NALCN: variants seen among roughly 807,000 people sequenced by gnomAD.
NALCN encodes sodium leak channel, non-selective.
Under a neutral mutation model 225.3 loss-of-function variants are expected in NALCN, and 111 were observed. The ratio of observed to expected loss-of-function variants is 0.49; its 90% confidence interval spans 0.42 to 0.58. The LOEUF (loss-of-function observed/expected upper bound fraction) is 0.58, where lower values mean the gene tolerates loss of function less well. Ranked by LOEUF, NALCN falls within the 20% of genes least tolerant of loss-of-function variation. NALCN has a pLI of 0.00. For synonymous variants in NALCN, 764 were observed against 769.0 expected, an observed-to-expected ratio of 0.99 and a Z score of 0.11; for missense variants, 1,378 against 2,202.4, an observed-to-expected ratio of 0.63 and a Z score of 7.49.
intron 10 of NALCN, among the ~76,000 whole-genome samples, chr13:101,281,569 G>A (rs186202262): frequency 1.3e-4 from 20 of 152,306 alleles, no homozygotes; most frequent in African/African-American, 4.8e-4. Context: ...TCAAATATAG[G>A]ATGGAAGGAG....
Position 101,104,455 on chromosome 13 carries a change from C to A in NALCN, c.2758-29G>T. ...AAACGGGCAAAAGGCAGTTTGGTTACAATGAACGGAAAAACAGCAGGTCAG... is the reference window on the plus strand; with the variant it reads ...AAACGGGCAAAAGGCAGTTTGGTTAAAATGAACGGAAAAACAGCAGGTCAG... On this transcript the variant is annotated intron_variant, in intron 24 of 43. Transcript: ENST00000251127. The surrounding 1 kb of genome is among the most constrained non-coding windows in gnomAD (Gnocchi z 4.2). The A allele has an allele frequency of 6.2e-7, 1 of 1,612,364 alleles. No individual in the cohort carries two copies. Among genetic ancestry groups the A allele is most frequent in the African/African-American group, 1.3e-5 (1 of 74,970 alleles).
At chr13:101,247,838 G>A (rs2041946301) in intron 11 of NALCN, among the ~76,000 whole-genome samples, 1 of 151,942 alleles carries the variant, frequency 6.6e-6, no homozygotes. Flanking sequence ...AGTGTGTGTT[G>A]TTGTTCTCCC....
intron 27 of NALCN, among the ~76,000 whole-genome samples, chr13:101,096,504 G>A (rs547093946): frequency 6.6e-6 from 1 of 152,162 alleles, no homozygotes; most frequent in Non-Finnish European, 1.5e-5. Flanking sequence ...TCATATAGAA[G>A]TCCAGAACAG....
intron 9 of NALCN, among the ~76,000 whole-genome samples, chr13:101,286,279 T>C (rs1462785787): frequency 1.3e-5 from 2 of 152,218 alleles, no homozygotes; most frequent in Non-Finnish European, 2.9e-5. Flanking sequence ...AGAATCTGTA[T>C]GGGGCCACTA....
intron 13 of NALCN, among the ~76,000 whole-genome samples, chr13:101,201,828 G>T (rs546888075): frequency 3.9e-5 from 6 of 152,076 alleles, no homozygotes; most frequent in African/African-American, 1.4e-4. Context: ...CTGGTTTCAA[G>T]AACTCTTTCT....
At chr13:101,316,785 A>G (rs1398409256) in intron 7 of NALCN, among the ~76,000 whole-genome samples, 2 of 152,164 alleles carry the variant, frequency 1.3e-5, no homozygotes, top group African/African-American at 4.8e-5. Flanking sequence ...CCAGGTGACC[A>G]TCCACTCTAA....
At chr13:101,338,059 T>A (rs1391506001) in intron 7 of NALCN, among the ~76,000 whole-genome samples, 1 of 152,206 alleles carries the variant, frequency 6.6e-6, no homozygotes, top group African/African-American at 2.4e-5. Context: ...CCAACAGTTG[T>A]CCTAAGTAAT....
At chr13:101,111,092 A>C in intron 19 of NALCN, 33 bp downstream of exon 19, 1 of 1,578,944 alleles carries the variant, frequency 6.3e-7, no homozygotes, top group South Asian at 1.1e-5. Context: ...CCTTTTTTAG[A>C]GTCTCTGAAG....
intron 7 of NALCN, among the ~76,000 whole-genome samples, chr13:101,336,370 A>G (rs1404348686): frequency 6.6e-6 from 1 of 152,188 alleles, no homozygotes; most frequent in African/African-American, 2.4e-5. Context: ...TTCTTCTTGT[A>G]AAAAATACCA....
chr13:101,107,893 T>C, intron 20 of NALCN, 104 bp from the exon 21 acceptor site: 1 of 575,194 alleles, frequency 1.7e-6, no homozygotes, highest in Non-Finnish European at 2.7e-6. Context: ...CAATATAAAG[T>C]ATAAATATTA....
At chr13:101,256,418 A>G (rs762139474) in intron 11 of NALCN, among the ~76,000 whole-genome samples, 1 of 152,158 alleles carries the variant, frequency 6.6e-6, no homozygotes, top group Non-Finnish European at 1.5e-5. Flanking sequence ...CCTGAAAAAA[A>G]TCCCTAAAGG....
intron 7 of NALCN, among the ~76,000 whole-genome samples, chr13:101,320,505 C>T (rs1342463643): frequency 6.6e-6 from 1 of 152,090 alleles, no homozygotes; most frequent in Non-Finnish European, 1.5e-5. Context: ...AAGTACAGTT[C>T]TTGCTGTGTG....
At chr13:101,217,294 C>G (rs1403014442) in intron 13 of NALCN, among the ~76,000 whole-genome samples, 2 of 152,254 alleles carry the variant, frequency 1.3e-5, no homozygotes, top group Admixed American at 6.6e-5. Flanking sequence ...ACAGGCTGTT[C>G]CAGAATGAAT....
chr13:101,275,439 T>G (rs1427641588), intron 10 of NALCN, among the ~76,000 whole-genome samples: 1 of 152,172 alleles, frequency 6.6e-6, no homozygotes, highest in Admixed American at 6.5e-5. Flanking sequence ...AAATAATTCT[T>G]TACTAAGTCA....
At chr13:101,140,865 AGTGCACTAT>A in intron 17 of NALCN, among the ~76,000 whole-genome samples, 1 of 152,214 alleles carries the variant, frequency 6.6e-6, no homozygotes, top group Non-Finnish European at 1.5e-5. Flanking sequence ...TCAAGGCTAT[AGTGCACTAT>A]GGCCGTGCCT....
intron 11 of NALCN, among the ~76,000 whole-genome samples, chr13:101,246,361 T>C (rs924925397): frequency 6.6e-6 from 1 of 152,160 alleles, no homozygotes; most frequent in Non-Finnish European, 1.5e-5. Flanking sequence ...AAAAAATGCA[T>C]ATTTATCACA....
chr13:101,067,891 G>T, intron 39 of NALCN, 27 bp downstream of exon 39: 1 of 1,449,984 alleles, frequency 6.9e-7, no homozygotes, highest in African/African-American at 1.4e-5. Context: ...TTGAGGTGAG[G>T]CATGAAACAA....
intron 17 of NALCN, among the ~76,000 whole-genome samples, chr13:101,128,582 T>C (rs559849742): frequency 3.3e-5 from 5 of 152,150 alleles, no homozygotes; most frequent in Admixed American, 3.3e-4. Context: ...TTGACAGGGT[T>C]TCGTTCTGTC....
chr13:101,223,693 C>T (rs2041033672), intron 13 of NALCN, among the ~76,000 whole-genome samples: 1 of 152,164 alleles, frequency 6.6e-6, no homozygotes, highest in Admixed American at 6.5e-5. Flanking sequence ...CACATAAAGA[C>T]TCGGTTACAC....
Sources: allele counts gnomAD v4.1 joint callset (sites outside exome capture counted in the v4.1 genomes callset), GRCh38; gene constraint gnomAD v4.1.1; non-coding constraint Gnocchi (gnomAD v3.1); transcripts MANE v1.5; gene names NCBI Gene and HGNC (gene_info 2026-07-23, HGNC 2026-07-21).